The following DCC variants were observed in gnomAD, a reference collection of about 807,000 sequenced individuals.
DCC encodes netrin receptor DCC.
In DCC, 58 loss-of-function variants were observed where a neutral mutation model predicts 172.5. The observed-to-expected ratio is 0.34, with a 90% confidence interval of 0.27 to 0.42. DCC has a LOEUF of 0.42. DCC is among the 10% of genes least tolerant of loss of function. The probability of loss-of-function intolerance (pLI) is 1.00; values close to 1 mark genes in which losing one functional copy is unlikely to be tolerated. For missense variants in DCC, 1,740 were observed against 1,791.0 expected, an observed-to-expected ratio of 0.97 and a Z score of 0.51; for synonymous variants, 709 against 644.5, an observed-to-expected ratio of 1.10 and a Z score of -1.52.
chr18:53,407,361 G>A (rs558293716), intron 19 of DCC, among the ~76,000 whole-genome samples: 39 of 151,060 alleles, frequency 2.6e-4, no homozygotes, highest in African/African-American at 9.2e-4. Flanking sequence ...GATTTTTGGG[G>A]GGAATAAAAA....
chr18:53,358,090 G>T (rs549779606), intron 15 of DCC, among the ~76,000 whole-genome samples: 1 of 152,006 alleles, frequency 6.6e-6, no homozygotes, highest in Non-Finnish European at 1.5e-5. Context: ...TGTGCCAATA[G>T]TTTGTCCAAT....
intron 1 of DCC, among the ~76,000 whole-genome samples, chr18:52,499,823 C>T (rs1339225084): frequency 1.3e-5 from 2 of 152,066 alleles, no homozygotes; most frequent in African/African-American, 4.8e-5. Flanking sequence ...GCACTAGTGA[C>T]TCATGGTGCA....
intron 1 of DCC, among the ~76,000 whole-genome samples, chr18:52,604,186 G>A (rs1243130479): frequency 6.6e-6 from 1 of 152,006 alleles, no homozygotes; most frequent in East Asian, 1.9e-4. Context: ...CCTCAACTTG[G>A]CATTTGATGC....
intron 27 of DCC, among the ~76,000 whole-genome samples, chr18:53,516,366 T>A (rs371391113): frequency 2.7e-5 from 4 of 146,452 alleles, no homozygotes; most frequent in Non-Finnish European, 4.4e-5. Flanking sequence ...AACCTAGGCA[T>A]TACCATTCAG....
At chr18:53,472,019 C>T (rs2045702861) in intron 25 of DCC, among the ~76,000 whole-genome samples, 1 of 152,162 alleles carries the variant, frequency 6.6e-6, no homozygotes, top group African/African-American at 2.4e-5. Context: ...TAGGCATGCA[C>T]TCAATACCAT....
chr18:53,031,520 G>T (rs933430973), intron 5 of DCC, among the ~76,000 whole-genome samples: 1 of 152,004 alleles, frequency 6.6e-6, no homozygotes, highest in African/African-American at 2.4e-5. Context: ...GGATCAGACA[G>T]AAATGACTTT....
intron 5 of DCC, among the ~76,000 whole-genome samples, chr18:53,007,544 T>C (rs904680464): frequency 6.6e-6 from 1 of 152,164 alleles, no homozygotes; most frequent in African/African-American, 2.4e-5. Context: ...AAGTAAAATA[T>C]ACTGAGAGTC....
intron 1 of DCC, among the ~76,000 whole-genome samples, chr18:52,670,009 A>G (rs1480916995): frequency 1.3e-5 from 2 of 152,318 alleles, no homozygotes; most frequent in East Asian, 3.9e-4. Context: ...CCAAATGCCT[A>G]TGGGAAGAGG....
At chr18:52,605,168 G>A (rs2034106812) in intron 1 of DCC, among the ~76,000 whole-genome samples, 1 of 152,026 alleles carries the variant, frequency 6.6e-6, no homozygotes, top group Admixed American at 6.6e-5. Context: ...AGGTCTGTTT[G>A]AGACATAAAT....
At chr18:52,973,252 ACT>A (rs2041060318) in intron 5 of DCC, among the ~76,000 whole-genome samples, 1 of 152,186 alleles carries the variant, frequency 6.6e-6, no homozygotes, top group African/African-American at 2.4e-5. Context: ...ATGTTTAATA[ACT>A]TTAGTTAAAG....
At chr18:53,228,439 TA>T (rs1184822482) in intron 12 of DCC, among the ~76,000 whole-genome samples, 3 of 152,248 alleles carry the variant, frequency 2.0e-5, no homozygotes, top group Admixed American at 6.5e-5. Flanking sequence ...AGTCACTTTC[TA>T]AACACTTCAG....
chr18:52,690,192 G>T (rs944302964), intron 1 of DCC, among the ~76,000 whole-genome samples: 1 of 152,112 alleles, frequency 6.6e-6, no homozygotes, highest in Admixed American at 6.6e-5. Flanking sequence ...CACGTTTGCC[G>T]CTTTAAGTCA....
chr18:52,498,252 C>A (rs999390778), intron 1 of DCC, among the ~76,000 whole-genome samples: 3 of 152,102 alleles, frequency 2.0e-5, no homozygotes, highest in African/African-American at 7.2e-5. Flanking sequence ...TGACCTTGAC[C>A]TTTCTTGGGT....
intron 1 of DCC, among the ~76,000 whole-genome samples, chr18:52,364,155 A>G (rs1984741218): frequency 6.6e-6 from 1 of 152,202 alleles, no homozygotes; most frequent in African/African-American, 2.4e-5. Flanking sequence ...TAAATACCAC[A>G]CATTTTTTTT....
At chr18:53,098,098 C>A (rs892770441) in intron 7 of DCC, among the ~76,000 whole-genome samples, 1 of 152,076 alleles carries the variant, frequency 6.6e-6, no homozygotes, top group Non-Finnish European at 1.5e-5. Context: ...AATTTCACAA[C>A]TAGAAATTGA....
At chr18:53,117,309 A>G (rs1183259114) in intron 7 of DCC, among the ~76,000 whole-genome samples, 1 of 151,758 alleles carries the variant, frequency 6.6e-6, no homozygotes, top group African/African-American at 2.4e-5. Context: ...TTGACCTACA[A>G]AAGCAGCAAG....
chr18:52,781,465 T>C (rs1335373656), intron 2 of DCC, among the ~76,000 whole-genome samples: 2 of 152,178 alleles, frequency 1.3e-5, no homozygotes, highest in Non-Finnish European at 2.9e-5. Flanking sequence ...CAACGTGTGT[T>C]GAATACTTCT....
At chr18:52,562,967 T>A (rs143383923) in intron 1 of DCC, among the ~76,000 whole-genome samples, 18 of 152,140 alleles carry the variant, frequency 1.2e-4, no homozygotes, top group Non-Finnish European at 1.9e-4. Flanking sequence ...AAAAATTGAC[T>A]TCTGAAGTTA....
chr18:53,388,022 T>C (rs1250346437), intron 16 of DCC, among the ~76,000 whole-genome samples: 1 of 152,216 alleles, frequency 6.6e-6, no homozygotes, highest in East Asian at 1.9e-4. Flanking sequence ...GTTGCATTAA[T>C]TCTAGCATAT....
Sources: gnomAD v4.1 joint callset for allele counts (sites outside exome capture counted in the v4.1 genomes callset) on GRCh38, gnomAD v4.1.1 for gene constraint, MANE v1.5 for transcripts, NCBI Gene and HGNC (gene_info 2026-07-23, HGNC 2026-07-21) for gene names.